The following ATP13A1 variants were observed in gnomAD, a reference collection of about 807,000 sequenced individuals.
ATP13A1 encodes endoplasmic reticulum transmembrane helix translocase.
A neutral mutation model predicts 134.8 loss-of-function variants in ATP13A1; 55 were observed. That is an observed-to-expected ratio of 0.41 (90% CI 0.33 to 0.51). ATP13A1 has a LOEUF of 0.51. Ranked by LOEUF, ATP13A1 falls within the 20% of genes least tolerant of loss-of-function variation. The pLI is 0.29. For missense variants in ATP13A1, 1,389 were observed against 1,652.8 expected (o/e 0.84, Z 2.77); for synonymous variants, 775 against 725.1 (o/e 1.07, Z -1.10).
chr19:19,649,426 CT>C, intron 19 of ATP13A1, 140 bp downstream of exon 19: 7 of 897,180 alleles, frequency 7.8e-6, no homozygotes, highest in Non-Finnish European at 1.2e-5. Flanking sequence ...CTCAAAGCCC[CT>C]GACCTTGCCA....
Position 19,645,284 on chromosome 19 carries a change from GGTCCCA to G in ATP13A1, c.*132_*137del. The G allele has an allele frequency of 2.1e-6, 2 of 951,670 alleles. No individual in the cohort carries two copies. Among genetic ancestry groups the G allele is most frequent in the South Asian group, 3.4e-5 (2 of 59,560 alleles). The allele number at this position is 951,670 out of a possible 1,614,324, so 59.0% of individuals were successfully genotyped here. ...GGCCAAGCCAGCGGATGGCTGTGGG[GGTCCCA>G]GCTCAGTCTTCCAAGGGCGAGACTG... is the stretch of plus-strand genomic sequence containing the variant. On this transcript the variant is annotated 3_prime_UTR_variant, in exon 26 of 26. Transcript: ENST00000357324. The surrounding 1 kb of genome is among the most constrained non-coding windows in gnomAD (Gnocchi z 4.1).
Position 19,657,044 on chromosome 19 carries a change from G to T in ATP13A1, c.856C>A (p.Arg286=). ...ATCTTCCGGATCTCCGACATGTTCCGCATCTGCTGCTGCACCAGCGAGGCC... is the reference window on the plus strand; with the variant it reads ...ATCTTCCGGATCTCCGACATGTTCCTCATCTGCTGCTGCACCAGCGAGGCC... ...FEASLVQQQM[R]NMSEIRKMGN... Residue 286 remains arginine, a synonymous_variant, in exon 5 of 26, where the codon CGG becomes AGG. Coordinates refer to ENST00000357324, the MANE Select transcript of ATP13A1 (RefSeq NM_020410.3). 1 of 1,568,240 alleles carries T rather than the reference G, an allele frequency of 6.4e-7. No individual in the cohort carries two copies.
rs2062054552 is a variant in ATP13A1, at chr19:19,655,902, C to T, written c.1245G>A (p.Leu415=). 1.3e-6 allele frequency: 2 copies of T among 1,596,472 alleles called. No homozygotes were observed. The highest frequency in any genetic ancestry group is 1.7e-5 in the Admixed American group (1 of 58,630). The change falls in exon 9 of 26, where the codon CTG becomes CTA. Residue 415 remains leucine, a synonymous_variant. Transcript: ENST00000357324. The surrounding 1 kb of genome is among the most constrained non-coding windows in gnomAD (Gnocchi z 5.7). The part of the protein sequence containing the change: ...PVDSGCVAYV[L]RTGFNTSQGK... ...CCTGGGATGTGTTGAATCCGGTCCG[C>T]AGGACGTAGGCCACGCACCCGCTGT...
chr19:19,649,846 G>A lies in ATP13A1; in HGVS notation c.2430C>T (p.Cys810=), dbSNP rs1293758633. The A allele has an allele frequency of 1.9e-6, 3 of 1,603,968 alleles. No individual in the cohort carries two copies. Among genetic ancestry groups the A allele is most frequent in the East Asian group, 2.2e-5 (1 of 44,848 alleles). The change falls in exon 18 of 26, where the codon TGC becomes TGT. Residue 810 remains cysteine (C), a synonymous_variant. Coordinates refer to ENST00000357324, the MANE Select transcript of ATP13A1 (RefSeq NM_020410.3). ...PKALALEYAL[C]LTGDGLAHLQ... ...GGTGGGCCAAGCCGTCGCCTGTGAG[G>A]CACAGTGCGTACTCCAGGGCCAGTG...
intron 13 of ATP13A1, 44 bp from the exon 14 acceptor site, chr19:19,654,188 G>A (rs951037294): frequency 2.0e-6 from 3 of 1,536,084 alleles, no homozygotes; most frequent in African/African-American, 2.7e-5. Flanking sequence ...TTGCTCCAAA[G>A]AGGCAGCCAA....
At chr19:19,648,498 CAA>C (rs35645918) in intron 19 of ATP13A1, among the ~76,000 whole-genome samples, 12 of 100,066 alleles carry the variant, frequency 1.2e-4, no homozygotes, top group African/African-American at 1.8e-4. Flanking sequence ...TGAGTTCTTG[CAA>C]AAAAAAAAAA....
In ATP13A1 at chr19:19,655,705, C is replaced by T; in HGVS notation, c.1270-51G>A. The T allele has an allele frequency of 6.3e-7, 1 of 1,588,036 alleles. No individual in the cohort carries two copies. The highest frequency in any genetic ancestry group is 8.6e-7 in the Non-Finnish European group (1 of 1,167,550). ...CTGCTGTCTGGACTCCCTCCAGCAG[C>T]TCAGGCCTGGAAGCGTGGGCCTGGT... On this transcript the variant is annotated intron_variant, in intron 9 of 25. Coordinates refer to ENST00000357324, the MANE Select transcript of ATP13A1 (RefSeq NM_020410.3). The surrounding 1 kb of genome is among the most constrained non-coding windows in gnomAD (Gnocchi z 5.7).
rs1180582415 is a variant in ATP13A1 at position 19,645,398 on chromosome 19, G to A, written c.*24C>T. On this transcript the variant is annotated 3_prime_UTR_variant, in exon 26 of 26. Coordinates refer to ENST00000357324, the MANE Select transcript of ATP13A1 (RefSeq NM_020410.3). This position sits in a 1 kb window ranked among gnomAD's most constrained non-coding sequence, Gnocchi z 4.1. ...TCCCGCCCAGCGGCAGCCAGGGTGG[G>A]CAGTGGGTACCAGCACTGCCATCTC... 1.3e-6 allele frequency: 2 copies of A among 1,574,986 alleles called. No individual in the cohort carries two copies. The highest frequency in any genetic ancestry group is 1.4e-5 in the African/African-American group (1 of 73,920).
intron 15 of ATP13A1, 89 bp from the exon 16 acceptor site, chr19:19,652,809 A>C (rs571499026): frequency 6.8e-7 from 1 of 1,471,288 alleles, no homozygotes; most frequent in South Asian, 1.3e-5. Flanking sequence ...GCTGGGAGCC[A>C]AGGGGACAAT....
At chr19:19,650,351 TCG>T (rs1445011724) in intron 17 of ATP13A1, 3 of 192,552 alleles carry the variant, frequency 1.6e-5, no homozygotes, top group Admixed American at 1.1e-4. Flanking sequence ...TCCTGTTTTC[TCG>T]GGGCTGGGCC....
chr19:19,661,977 T>G, intron 1 of ATP13A1: 1 of 1,486,594 alleles, frequency 6.7e-7, no homozygotes, highest in Non-Finnish European at 9.2e-7. Context: ...TGGCACCCAG[T>G]AGTTGTTAGT....
Position 19,645,727 on chromosome 19 carries a change from G to T in ATP13A1, c.3424C>A (p.Leu1142Ile). 1 of 1,597,592 alleles carries T rather than the reference G, an allele frequency of 6.3e-7. No homozygotes were observed. The highest frequency in any genetic ancestry group is 8.5e-7 in the Non-Finnish European group (1 of 1,172,490). The change falls in exon 25 of 26, where the codon CTC becomes ATC. Residue 1142 changes from leucine to isoleucine, a missense_variant. Physicochemically the swap from Leu to Ile is conservative, Grantham distance 5. Transcript: ENST00000357324. This position sits in a 1 kb window ranked among gnomAD's most constrained non-coding sequence, Gnocchi z 4.1. ...KPLVWSLAVSLLAIIGLLLGS... is the reference protein window; with the variant it reads ...KPLVWSLAVSILAIIGLLLGS... ...AGGAGCAGGCCAATGATGGCCAGGA[G>T]TGAAACTGCCAGACTCCACACCAGG...
Position 19,659,747 on chromosome 19 carries a change from G to C in ATP13A1, c.531C>G (p.Ile177Met). ...LEVLSFEFQKIKYSYDALEKK... is the reference protein window; with the variant it reads ...LEVLSFEFQKMKYSYDALEKK... ...TCTCCAGGGCATCGTAGGAATACTT[G>C]ATCTTCTGGAATTCGAAGGACAGCA... The change falls in exon 3 of 26, where the codon ATC (isoleucine) becomes ATG (methionine). Residue 177 changes from isoleucine (I) to methionine (M), a missense_variant. This residue lies in a region of ATP13A1 where 293 missense variants were observed against 270.8 expected (regional missense o/e 1.08). Transcript: ENST00000357324. 1 of 1,613,916 alleles carries C rather than the reference G, an allele frequency of 6.2e-7. No individual in the cohort carries two copies. The highest frequency in any genetic ancestry group is 8.5e-7 in the Non-Finnish European group (1 of 1,179,872).
Position 19,652,577 on chromosome 19 carries a change from C to T in ATP13A1, c.2226+18G>A. The T allele has an allele frequency of 6.2e-7, 1 of 1,603,584 alleles. No homozygotes were observed. Among genetic ancestry groups the T allele is most frequent in the South Asian group, 1.1e-5 (1 of 89,212 alleles). On this transcript the variant is annotated intron_variant, in intron 16 of 25. Transcript: ENST00000357324. ...TCTATTTCCCATGCAGAGGGTGGAG[C>T]CGAGCACCGTCCCATACCCGGTGGG... is the stretch of plus-strand genomic sequence containing the variant.
intron 17 of ATP13A1, 95 bp from the exon 18 acceptor site, chr19:19,650,035 CCT>C (rs2062014258): frequency 8.3e-7 from 1 of 1,202,500 alleles, no homozygotes; most frequent in South Asian, 1.4e-5. Context: ...GCCAGTCTCT[CCT>C]CTCTGGAGCC....
chr19:19,652,962 C>T (rs1462395882), intron 15 of ATP13A1: 13 of 521,072 alleles, frequency 2.5e-5, no homozygotes, highest in Admixed American at 2.1e-4. Flanking sequence ...GTCCTGCTTG[C>T]GGACATGGGC....
intron 12 of ATP13A1, 59 bp from the exon 13 acceptor site, chr19:19,654,759 C>A (rs2288867): frequency 1.3e-5 from 20 of 1,539,474 alleles, no homozygotes; most frequent in Non-Finnish European, 1.6e-5. Context: ...AAGCTGCATC[C>A]CCACCAGCAG....
intron 1 of ATP13A1, chr19:19,662,322 AGAG>A: frequency 1.0e-6 from 1 of 985,420 alleles, no homozygotes; most frequent in Non-Finnish European, 1.2e-6. Context: ...GTCTCTCAGG[AGAG>A]GAGAATGAGG....
In ATP13A1 at chr19:19,653,993, C is replaced by A; in HGVS notation, c.1965G>T (p.Gly655=). 1.3e-6 allele frequency: 2 copies of A among 1,598,032 alleles called. No homozygotes were observed. Among genetic ancestry groups the A allele is most frequent in the East Asian group, 2.3e-5 (1 of 44,180 alleles). Residue 655 remains glycine (G), a synonymous_variant, in exon 14 of 26, where the codon GGG becomes GGT. Transcript: ENST00000357324. The surrounding 1 kb of genome is among the most constrained non-coding windows in gnomAD (Gnocchi z 4.2). ...CCATGGAGTGCAGAGTTTCGGGGGCCCCCTTCACGGCCGCGATGTAGCAGA... is the reference window on the plus strand; with the variant it reads ...CCATGGAGTGCAGAGTTTCGGGGGCACCCTTCACGGCCGCGATGTAGCAGA... ...TDLCYIAAVK[G]APETLHSMFS... is the part of the protein sequence containing the mutation.
Sources: gnomAD v4.1 joint callset for allele counts (sites outside exome capture counted in the v4.1 genomes callset) on GRCh38, gnomAD v4.1.1 for gene constraint, gnomAD v4.1.1 regional missense constraint, Gnocchi (gnomAD v3.1) non-coding constraint, MANE v1.5 for transcripts, NCBI Gene and HGNC (gene_info 2026-07-23, HGNC 2026-07-21) for gene names.